ARL13B: variants seen among roughly 807,000 people sequenced by gnomAD.
The protein encoded by ARL13B is ARF like GTPase 13B, also known as ADP-ribosylation factor-like protein 13B.
A neutral mutation model predicts 56.1 loss-of-function variants in ARL13B; 36 were observed. That is an observed-to-expected ratio of 0.64 (90% CI 0.49 to 0.85). The LOEUF (loss-of-function observed/expected upper bound fraction) is 0.85, where lower values mean the gene tolerates loss of function less well. Among genes scored for constraint, ARL13B ranks in the 40% least tolerant of loss-of-function variants. The probability of loss-of-function intolerance (pLI) is 0.00; values close to 1 mark genes in which losing one functional copy is unlikely to be tolerated. For synonymous variants in ARL13B, 178 were observed against 171.1 expected (o/e 1.04, Z -0.32); for missense variants, 519 against 507.1 (o/e 1.02, Z -0.23).
rs540172951 is a variant in ARL13B at position 93,987,115 on chromosome 3, C to G, written c.59+6633C>G. 4.3e-4 allele frequency among the ~76,000 whole-genome samples: 65 copies of G among 151,278 alleles called. 1 individual carries two copies. Among genetic ancestry groups the G allele is most frequent in the African/African-American group, 1.5e-3 (62 of 41,290 alleles). On this transcript the variant is annotated intron_variant, in intron 1 of 9. Coordinates refer to ENST00000394222, the MANE Select transcript of ARL13B (RefSeq NM_001174150.2). ...GAAAGATTCAGAATTTAAATGTTTT[C>G]TAAGTTCAATCCTCCCTAATGCCAT... is the stretch of plus-strand genomic sequence containing the variant.
rs573338954 is a variant in ARL13B at position 93,983,376 on chromosome 3, C to T, written c.59+2894C>T. Among the ~76,000 whole-genome samples the T allele has an allele frequency of 7.9e-4, 120 of 152,252 alleles. 1 individual carries two copies. The highest frequency in any genetic ancestry group is 2.7e-3 in the African/African-American group (113 of 41,526). The stretch of plus-strand genomic sequence containing the variant: ...CCCACTTATTTGGGGTTTGGTATGG[C>T]CCCATTCATGAATTTTGGTTCAGTT... On this transcript the variant is annotated intron_variant, in intron 1 of 9. Coordinates refer to ENST00000394222, the MANE Select transcript of ARL13B (RefSeq NM_001174150.2).
chr3:94,043,996 C>T (rs1183275110), intron 7 of ARL13B, among the ~76,000 whole-genome samples: 3 of 151,908 alleles, frequency 2.0e-5, no homozygotes, highest in Non-Finnish European at 2.9e-5. Flanking sequence ...GGCGTGATCT[C>T]GGCTCGCTAC....
chr3:94,054,694 A>G lies in ARL13B; in HGVS notation c.*1431A>G. 2.6e-6 allele frequency: 1 copy of G among 386,570 alleles called. No homozygotes were observed. The highest frequency in any genetic ancestry group is 5.0e-6 in the Non-Finnish European group (1 of 198,850). 23.9% of individuals were successfully genotyped at this position (386,570 alleles called of 1,614,324 possible). On this transcript the variant is annotated 3_prime_UTR_variant, in exon 10 of 10. Transcript: ENST00000394222. ...TTATTCACATTTTTTAACTCACTGA[A>G]CTTTAATAATCAGGTCACCTGTACT...
At chr3:94,015,099 T>C (rs1255650104) in intron 3 of ARL13B, 6 of 1,613,864 alleles carry the variant, frequency 3.7e-6, no homozygotes, top group Non-Finnish European at 5.1e-6. Flanking sequence ...TACTTTCCTG[T>C]AGTTTTTGGA....
chr3:94,029,898 T>G (rs940565861), intron 3 of ARL13B, among the ~76,000 whole-genome samples: 10 of 152,180 alleles, frequency 6.6e-5, no homozygotes, highest in Non-Finnish European at 1.0e-4. Context: ...ACTGTTCAGT[T>G]AAAACAAGCA....
chr3:93,980,173 C>T lies in ARL13B; in HGVS notation c.-251C>T, dbSNP rs1465885056. 5 of 654,098 alleles carry T rather than the reference C, an allele frequency of 7.6e-6. No individual in the cohort carries two copies. Among genetic ancestry groups the T allele is most frequent in the Non-Finnish European group, 1.4e-5 (5 of 358,654 alleles). 40.5% of individuals were successfully genotyped at this position (654,098 alleles called of 1,614,324 possible). A position where few individuals can be genotyped will look rare whatever the true frequency, so the allele number is the denominator to read the frequency against. On this transcript the variant is annotated 5_prime_UTR_variant, in exon 1 of 10. Coordinates refer to ENST00000394222, the MANE Select transcript of ARL13B (RefSeq NM_001174150.2). ...ACGCGGGGCTTTTCTTTAGCCGGGT[C>T]CCGCTAACTCGGCTACGGTGTATCT...
At chr3:94,037,322 CT>C (rs769048462) in intron 5 of ARL13B, among the ~76,000 whole-genome samples, 3 of 152,204 alleles carry the variant, frequency 2.0e-5, no homozygotes, top group Non-Finnish European at 2.9e-5. Context: ...CCATAGTTGC[CT>C]TCCATCTGGC....
At chr3:94,050,198 C>T (rs1190188937) in intron 8 of ARL13B, among the ~76,000 whole-genome samples, 1 of 149,984 alleles carries the variant, frequency 6.7e-6, no homozygotes, top group Non-Finnish European at 1.5e-5. Flanking sequence ...TTGGACCTTT[C>T]ATCCTGAAAG....
chr3:94,036,776 C>G, intron 5 of ARL13B, 22 bp downstream of exon 5: 1 of 1,594,160 alleles, frequency 6.3e-7, no homozygotes, highest in East Asian at 2.3e-5. Context: ...AATTTTGTAC[C>G]ACAGTGCATT....
chr3:94,000,951 G>T (rs908848277), intron 2 of ARL13B, among the ~76,000 whole-genome samples: 1 of 152,086 alleles, frequency 6.6e-6, no homozygotes, highest in African/African-American at 2.4e-5. Context: ...AAGGAAAAAA[G>T]AAAGGGTGGA....
At chr3:94,023,197 C>T (rs1173009437) in intron 3 of ARL13B, among the ~76,000 whole-genome samples, 1 of 151,994 alleles carries the variant, frequency 6.6e-6, no homozygotes, top group Non-Finnish European at 1.5e-5. Flanking sequence ...TACTTGAATA[C>T]TATATTTTCT....
chr3:94,050,547 A>G (rs1443346904), intron 8 of ARL13B, among the ~76,000 whole-genome samples: 1 of 152,230 alleles, frequency 6.6e-6, no homozygotes, highest in African/African-American at 2.4e-5. Flanking sequence ...GCCTAGAGTT[A>G]GAATGATAGC....
intron 3 of ARL13B, among the ~76,000 whole-genome samples, chr3:94,011,779 A>G (rs547996194): frequency 1.3e-5 from 2 of 152,148 alleles, no homozygotes; most frequent in South Asian, 2.1e-4. Context: ...CTTTCACTCT[A>G]CATATCTCTC....
chr3:93,986,054 TG>T (rs1559964865), intron 1 of ARL13B, among the ~76,000 whole-genome samples: 1 of 152,180 alleles, frequency 6.6e-6, no homozygotes, highest in Admixed American at 6.5e-5. Flanking sequence ...CCAATTAAGC[TG>T]TATGTACAGA....
chr3:94,004,294 A>ACTTAAT (rs1386873941), intron 3 of ARL13B, among the ~76,000 whole-genome samples: 2 of 152,086 alleles, frequency 1.3e-5, no homozygotes, highest in African/African-American at 2.4e-5. Context: ...TTATTATTTC[A>ACTTAAT]GAGTTATGTA....
intron 3 of ARL13B, among the ~76,000 whole-genome samples, chr3:94,023,109 G>A (rs2076484220): frequency 6.6e-6 from 1 of 151,570 alleles, no homozygotes; most frequent in African/African-American, 2.4e-5. Flanking sequence ...CCTTGATTTG[G>A]GAGTGTACCA....
intron 3 of ARL13B, among the ~76,000 whole-genome samples, chr3:94,035,007 T>C (rs970907782): frequency 2.6e-5 from 4 of 152,176 alleles, no homozygotes; most frequent in African/African-American, 9.6e-5. Flanking sequence ...AGGCTGAGAC[T>C]GACAGATCAC....
chr3:94,018,460 A>T (rs1031962726), intron 3 of ARL13B, among the ~76,000 whole-genome samples: 1 of 151,654 alleles, frequency 6.6e-6, no homozygotes, highest in African/African-American at 2.4e-5. Flanking sequence ...TTCCTTTATC[A>T]CTATTTTCTT....
intron 2 of ARL13B, among the ~76,000 whole-genome samples, chr3:94,000,158 G>A (rs932398304): frequency 3.9e-5 from 6 of 152,144 alleles, no homozygotes; most frequent in East Asian, 1.9e-4. Context: ...AGTGAGAGCC[G>A]ATTATGCATA....
Sources: gnomAD v4.1 joint callset for allele counts (sites outside exome capture counted in the v4.1 genomes callset) on GRCh38, gnomAD v4.1.1 for gene constraint, MANE v1.5 for transcripts, NCBI Gene and HGNC (gene_info 2026-07-23, HGNC 2026-07-21) for gene names.